Variants in SLAMF6 observed in about 807,000 individuals in gnomAD.
SLAMF6 encodes NK-T-B-antigen.
A neutral mutation model predicts 38.3 loss-of-function variants in SLAMF6; 21 were observed. That is an observed-to-expected ratio of 0.55 (90% CI 0.39 to 0.79). SLAMF6 has a LOEUF of 0.79. Among genes scored for constraint, SLAMF6 ranks in the 30% least tolerant of loss-of-function variants. SLAMF6 has a pLI of 0.00. For missense variants in SLAMF6, 341 were observed against 385.3 expected (o/e 0.89, Z 0.96); for synonymous variants, 152 against 146.3 (o/e 1.04, Z -0.28).
At chr1:160,495,996 C>T in intron 2 of SLAMF6, 65 bp downstream of exon 2, 1 of 1,434,382 alleles carries the variant, frequency 7.0e-7, no homozygotes, top group Non-Finnish European at 9.6e-7. Context: ...TTTGAAGTCA[C>T]ATAGGATTGG....
At chr1:160,499,788 G>C (rs1653786630) in intron 1 of SLAMF6, among the ~76,000 whole-genome samples, 1 of 152,138 alleles carries the variant, frequency 6.6e-6, no homozygotes, top group African/African-American at 2.4e-5. Flanking sequence ...TCAGCTCCTG[G>C]GTGAGCTTGC....
At chr1:160,516,429 C>A (rs138411159) in intron 1 of SLAMF6, among the ~76,000 whole-genome samples, 1 of 151,978 alleles carries the variant, frequency 6.6e-6, no homozygotes, top group African/African-American at 2.4e-5. Context: ...CCATACTGCC[C>A]GAAGTAATTA....
intron 1 of SLAMF6, among the ~76,000 whole-genome samples, chr1:160,502,412 G>A (rs1653952065): frequency 6.6e-6 from 1 of 152,170 alleles, no homozygotes; most frequent in Non-Finnish European, 1.5e-5. Context: ...TGTCAAGACA[G>A]CAGACATTTG....
chr1:160,490,826 C>G, intron 3 of SLAMF6, 141 bp from the exon 4 acceptor site: 1 of 1,324,198 alleles, frequency 7.6e-7, no homozygotes, highest in Non-Finnish European at 1.0e-6. Context: ...GGTGGGAGTC[C>G]TATGTGGCAG....
At chr1:160,487,312 T>C (rs1179321567) in intron 6 of SLAMF6, 137 bp from the exon 7 acceptor site, 1 of 741,738 alleles carries the variant, frequency 1.3e-6, no homozygotes, top group Non-Finnish European at 2.2e-6. Flanking sequence ...GAATGTTCAG[T>C]GGAAGACCAA....
intron 1 of SLAMF6, among the ~76,000 whole-genome samples, chr1:160,518,395 C>A (rs955889464): frequency 1.3e-5 from 2 of 152,168 alleles, no homozygotes; most frequent in African/African-American, 4.8e-5. Flanking sequence ...ACCCAGCAAT[C>A]CCATTACTGG....
chr1:160,502,505 C>T (rs1653956877), intron 1 of SLAMF6, among the ~76,000 whole-genome samples: 1 of 152,046 alleles, frequency 6.6e-6, no homozygotes, highest in Non-Finnish European at 1.5e-5. Context: ...ATTGTATTTC[C>T]CCATAACCTG....
intron 1 of SLAMF6, among the ~76,000 whole-genome samples, chr1:160,512,336 G>A (rs1220691657): frequency 6.6e-6 from 1 of 152,196 alleles, no homozygotes; most frequent in African/African-American, 2.4e-5. Context: ...CCAGCCAAGG[G>A]TTTATGGACA....
intron 6 of SLAMF6, among the ~76,000 whole-genome samples, chr1:160,488,661 C>A (rs1276359686): frequency 6.6e-6 from 1 of 152,102 alleles, no homozygotes; most frequent in Non-Finnish European, 1.5e-5. Context: ...CCCCTAAGAC[C>A]CCTACATGCA....
intron 1 of SLAMF6, among the ~76,000 whole-genome samples, chr1:160,505,221 C>T (rs763865125): frequency 7.2e-5 from 11 of 152,008 alleles, no homozygotes; most frequent in Non-Finnish European, 1.2e-4. Flanking sequence ...AAACAAAATA[C>T]TGAGGAAGGG....
chr1:160,518,213 C>G (rs77182177), intron 1 of SLAMF6, among the ~76,000 whole-genome samples: 1 of 152,036 alleles, frequency 6.6e-6, no homozygotes, highest in Non-Finnish European at 1.5e-5. Context: ...GGGATACCAT[C>G]TCACACAGGT....
At chr1:160,499,803 CCT>C (rs1021470182) in intron 1 of SLAMF6, among the ~76,000 whole-genome samples, 1 of 152,132 alleles carries the variant, frequency 6.6e-6, no homozygotes, top group South Asian at 2.1e-4. Context: ...GCTTGCACTT[CCT>C]CTCTCTTTCA....
intron 2 of SLAMF6, 143 bp downstream of exon 2, chr1:160,495,918 G>T: frequency 1.4e-6 from 1 of 727,232 alleles, no homozygotes; most frequent in Non-Finnish European, 2.2e-6. Flanking sequence ...GCTTTGCAGT[G>T]TCATTGTGTT....
At chr1:160,494,776 G>A (rs1653485755) in intron 2 of SLAMF6, among the ~76,000 whole-genome samples, 1 of 152,122 alleles carries the variant, frequency 6.6e-6, no homozygotes, top group Non-Finnish European at 1.5e-5. Flanking sequence ...GCAAAGAGCA[G>A]ATTGCCCGCT....
chr1:160,502,206 C>A (rs1013299727), intron 1 of SLAMF6, among the ~76,000 whole-genome samples: 1 of 152,178 alleles, frequency 6.6e-6, no homozygotes, highest in African/African-American at 2.4e-5. Flanking sequence ...ATCTAAATGG[C>A]TCTGCTGGCA....
intron 2 of SLAMF6, 137 bp downstream of exon 2, chr1:160,495,924 G>T: frequency 1.3e-6 from 1 of 755,672 alleles, no homozygotes; most frequent in Non-Finnish European, 2.1e-6. Flanking sequence ...CAGTGTCATT[G>T]TGTTGACACT....
chr1:160,486,721 CA>C lies in SLAMF6; in HGVS notation c.984del (p.Asp329ThrfsTer16). On this transcript the variant is annotated frameshift_variant, in exon 8 of 8. Coordinates refer to ENST00000368057, the MANE Select transcript of SLAMF6 (RefSeq NM_001184714.2). LOFTEE classifies it high-confidence loss of function. ...CTTTCAGCAACTTACACGACATTGT[CA>C]AGGGCAGTTGCCCTGGAAAAAGTGG... Reference protein sequence around the residue: ...SKPTFSRATALDNVV With the variant: ...SKPTFSRATAXDNVV The C allele has an allele frequency of 6.2e-7, 1 of 1,613,818 alleles. No homozygotes were observed.
chr1:160,491,543 T>A, intron 2 of SLAMF6, 155 bp from the exon 3 acceptor site: 1 of 621,316 alleles, frequency 1.6e-6, no homozygotes, highest in Non-Finnish European at 2.0e-6. Context: ...ATTGCCTAAT[T>A]GATGGTAGCA....
At chr1:160,489,935 G>A (rs888726314) in intron 5 of SLAMF6, among the ~76,000 whole-genome samples, 2 of 152,128 alleles carry the variant, frequency 1.3e-5, no homozygotes, top group Non-Finnish European at 1.5e-5. Flanking sequence ...CTTTCACTGG[G>A]ACTTAGTTTC....
Sources: gnomAD v4.1 joint callset for allele counts (sites outside exome capture counted in the v4.1 genomes callset) on GRCh38, gnomAD v4.1.1 for gene constraint, MANE v1.5 for transcripts, NCBI Gene and HGNC (gene_info 2026-07-23, HGNC 2026-07-21) for gene names.